DPP10: variants seen among roughly 807,000 people sequenced by gnomAD.
The protein encoded by DPP10 is inactive dipeptidyl peptidase 10.
A neutral mutation model predicts 120.9 loss-of-function variants in DPP10; 33 were observed. The observed-to-expected ratio is 0.27, with a 90% CI of 0.21 to 0.37. The LOEUF is 0.37. Among genes scored for constraint, DPP10 ranks in the 10% least tolerant of loss-of-function variants. The pLI, the probability that DPP10 is intolerant of heterozygous loss-of-function variation, is 1.00. For synonymous variants in DPP10, 337 were observed against 326.1 expected (o/e 1.03, Z -0.36); for missense variants, 816 against 942.8 (o/e 0.87, Z 1.76).
rs190820582 is a variant in DPP10, at chr2:114,554,412, C to T, written c.60+111574C>T. Among the ~76,000 whole-genome samples the T allele has an allele frequency of 2.6e-3, 391 of 152,330 alleles. 2 individuals are homozygous for T. Among genetic ancestry groups the T allele is most frequent in the Admixed American group, 6.5e-3 (99 of 15,298 alleles). Reference sequence around the variant, plus strand: ...ACCTTGGGCAGGTCTTGCCCCCTTTCTGGGCCTTAGCCTTCATTTTCATTT... The same window carrying T: ...ACCTTGGGCAGGTCTTGCCCCCTTTTTGGGCCTTAGCCTTCATTTTCATTT... On this transcript the variant is annotated intron_variant, in intron 1 of 25. Transcript: ENST00000410059.
intron 5 of DPP10, among the ~76,000 whole-genome samples, chr2:115,672,644 C>CTT (rs148248181): frequency 7.0e-4 from 96 of 136,374 alleles, no homozygotes; most frequent in South Asian, 3.3e-3. Context: ...TTCTTTCTTT[C>CTT]TCTCTCTCTT....
At chr2:115,074,219 G>A (rs1471703047) in intron 1 of DPP10, among the ~76,000 whole-genome samples, 1 of 152,042 alleles carries the variant, frequency 6.6e-6, no homozygotes, top group Non-Finnish European at 1.5e-5. Context: ...AATCTGCCCA[G>A]GCTGGTCTCA....
intron 1 of DPP10, among the ~76,000 whole-genome samples, chr2:115,267,469 T>G (rs1220118914): frequency 6.6e-6 from 1 of 152,128 alleles, no homozygotes; most frequent in Non-Finnish European, 1.5e-5. Context: ...ACCATTACAT[T>G]TTAAAGTGAT....
intron 1 of DPP10, among the ~76,000 whole-genome samples, chr2:114,813,698 T>C (rs1213201749): frequency 6.6e-6 from 1 of 150,810 alleles, no homozygotes; most frequent in Non-Finnish European, 1.5e-5. Flanking sequence ...GGCAGAAGCA[T>C]TATGTCTATG....
intron 1 of DPP10, among the ~76,000 whole-genome samples, chr2:115,117,100 C>T (rs1238303992): frequency 6.6e-6 from 1 of 152,214 alleles, no homozygotes; most frequent in Non-Finnish European, 1.5e-5. Flanking sequence ...AACTCGTACA[C>T]TTCCTGTTTC....
At chr2:114,934,290 C>A (rs1020055442) in intron 1 of DPP10, among the ~76,000 whole-genome samples, 4 of 152,102 alleles carry the variant, frequency 2.6e-5, no homozygotes, top group African/African-American at 9.7e-5. Context: ...TGACTGGAAG[C>A]CTTACCAATA....
chr2:115,554,403 G>A (rs921842000), intron 5 of DPP10, among the ~76,000 whole-genome samples: 1 of 150,928 alleles, frequency 6.6e-6, no homozygotes, highest in Non-Finnish European at 1.5e-5. Flanking sequence ...GTTATTCCTG[G>A]GTTTACAAGT....
intron 1 of DPP10, among the ~76,000 whole-genome samples, chr2:114,941,851 A>G (rs1558903010): frequency 6.6e-6 from 1 of 152,176 alleles, no homozygotes; most frequent in Non-Finnish European, 1.5e-5. Flanking sequence ...GCTGAGAAAC[A>G]TGAGGACGTG....
At chr2:114,846,932 C>T (rs137932353) in intron 1 of DPP10, among the ~76,000 whole-genome samples, 15 of 152,224 alleles carry the variant, frequency 9.9e-5, no homozygotes, top group African/African-American at 3.4e-4. Flanking sequence ...TCTGATTGTG[C>T]AATTCCCTGC....
At chr2:114,556,562 A>G (rs1688331503) in intron 1 of DPP10, among the ~76,000 whole-genome samples, 2 of 152,022 alleles carry the variant, frequency 1.3e-5, no homozygotes, top group Non-Finnish European at 2.9e-5. Context: ...GCAAATGAGG[A>G]TGTGAAGTAA....
At chr2:115,492,955 C>G (rs928815525) in intron 3 of DPP10, among the ~76,000 whole-genome samples, 59 of 152,152 alleles carry the variant, frequency 3.9e-4, no homozygotes, top group African/African-American at 1.3e-3. Context: ...TGGACAAGAT[C>G]TGGTGTATTT....
chr2:115,162,027 A>G (rs1375832880), intron 1 of DPP10: 1 of 1,400,060 alleles, frequency 7.1e-7, no homozygotes, highest in Non-Finnish European at 9.2e-7. Flanking sequence ...CCGGCGGACC[A>G]GGTGAGAGTC....
chr2:115,069,326 T>C (rs903966693), intron 1 of DPP10, among the ~76,000 whole-genome samples: 4 of 152,086 alleles, frequency 2.6e-5, no homozygotes, highest in Non-Finnish European at 5.9e-5. Flanking sequence ...CCTATTTTCT[T>C]TTTTGGGTGT....
chr2:114,744,533 G>A (rs937688689), intron 1 of DPP10, among the ~76,000 whole-genome samples: 1 of 151,990 alleles, frequency 6.6e-6, no homozygotes, highest in Non-Finnish European at 1.5e-5. Flanking sequence ...GCAGGAAGTA[G>A]AAGAGAATGC....
At chr2:115,774,011 G>A (rs964943647) in intron 13 of DPP10, among the ~76,000 whole-genome samples, 3 of 151,946 alleles carry the variant, frequency 2.0e-5, no homozygotes, top group Non-Finnish European at 4.4e-5. Flanking sequence ...AAATCAAAAG[G>A]TTATATGGTT....
At chr2:115,100,335 G>C (rs770334277) in intron 1 of DPP10, among the ~76,000 whole-genome samples, 18 of 152,120 alleles carry the variant, frequency 1.2e-4, no homozygotes, top group Non-Finnish European at 2.1e-4. Flanking sequence ...TGTAGTCCTA[G>C]CTACTTGGGA....
chr2:115,786,631 T>C (rs563915418), intron 17 of DPP10, among the ~76,000 whole-genome samples: 47 of 152,278 alleles, frequency 3.1e-4, no homozygotes, highest in Admixed American at 4.6e-4. Flanking sequence ...CAATTAGTGT[T>C]GTAAGTTCTC....
intron 1 of DPP10, among the ~76,000 whole-genome samples, chr2:115,041,871 A>T (rs1186101316): frequency 2.6e-5 from 4 of 152,172 alleles, no homozygotes; most frequent in Non-Finnish European, 2.9e-5. Context: ...TGCCCTTTGT[A>T]ACACAACAAA....
At chr2:114,456,374 T>A (rs1254012609) in intron 1 of DPP10, among the ~76,000 whole-genome samples, 1 of 152,266 alleles carries the variant, frequency 6.6e-6, no homozygotes, top group Non-Finnish European at 1.5e-5. Flanking sequence ...CCATTTGGAC[T>A]AGTGACTTCT....
Sources: gnomAD v4.1 joint callset for allele counts (sites outside exome capture counted in the v4.1 genomes callset) on GRCh38, gnomAD v4.1.1 for gene constraint, MANE v1.5 for transcripts, NCBI Gene and HGNC (gene_info 2026-07-23, HGNC 2026-07-21) for gene names.